Variants in COL4A1 observed in about 807,000 individuals in gnomAD.
COL4A1 encodes collagen type IV alpha 1 chain, also known as collagen alpha-1(IV) chain.
Under a neutral mutation model 216.6 loss-of-function variants are expected in COL4A1, and 40 were observed. That is an observed-to-expected ratio of 0.18 (90% CI 0.14 to 0.24). The LOEUF is 0.24. COL4A1 is among the 10% of genes least tolerant of loss of function. The pLI, the probability that COL4A1 is intolerant of heterozygous loss-of-function variation, is 1.00. For missense variants in COL4A1, 1,628 were observed against 2,196.8 expected, an observed-to-expected ratio of 0.74 and a Z score of 5.18; for synonymous variants, 839 against 810.7, an observed-to-expected ratio of 1.03 and a Z score of -0.59.
At chr13:110,290,393 A>G (rs1884038496) in intron 1 of COL4A1, among the ~76,000 whole-genome samples, 1 of 152,220 alleles carries the variant, frequency 6.6e-6, no homozygotes. Flanking sequence ...TGTCCAAGTC[A>G]TAATTTCTTT....
At chr13:110,181,267 CA>C in intron 29 of COL4A1, 24 bp downstream of exon 29, 1 of 1,606,630 alleles carries the variant, frequency 6.2e-7, no homozygotes, top group Non-Finnish European at 8.5e-7. Flanking sequence ...GGAGAAGGGT[CA>C]TGGAGGGAAT....
chr13:110,210,347 T>C, intron 8 of COL4A1, 135 bp from the exon 9 acceptor site: 2 of 803,238 alleles, frequency 2.5e-6, no homozygotes, highest in South Asian at 1.5e-5. Context: ...CCGTCTACAC[T>C]GGAAATCAAT....
At chr13:110,219,695 T>TATATGTATAG (rs1880300802) in intron 2 of COL4A1, among the ~76,000 whole-genome samples, 1 of 141,386 alleles carries the variant, frequency 7.1e-6, no homozygotes, top group African/African-American at 2.7e-5. Context: ...TATATGTATA[T>TATATGTATAG]ATATGTATAT....
chr13:110,177,713 T>G, intron 33 of COL4A1, 129 bp downstream of exon 33: 1 of 924,794 alleles, frequency 1.1e-6, no homozygotes, highest in Non-Finnish European at 1.7e-6. Flanking sequence ...CCCAGCCTTC[T>G]GCTTGATGTT....
At chr13:110,300,123 T>C (rs531786087) in intron 1 of COL4A1, among the ~76,000 whole-genome samples, 2 of 152,308 alleles carry the variant, frequency 1.3e-5, no homozygotes, top group South Asian at 2.1e-4. Context: ...GATTAGATAT[T>C]AATATTGTTT....
intron 15 of COL4A1, among the ~76,000 whole-genome samples, chr13:110,205,945 T>C (rs185803751): frequency 1.3e-5 from 2 of 152,252 alleles, no homozygotes; most frequent in East Asian, 3.9e-4. Flanking sequence ...TTGTCTCTCC[T>C]ATGAAACACA....
At chr13:110,209,038 G>A (rs1305074418) in intron 11 of COL4A1, 148 bp from the exon 12 acceptor site, 4 of 870,684 alleles carry the variant, frequency 4.6e-6, no homozygotes, top group Admixed American at 1.9e-5. Context: ...GGAAAGTAAC[G>A]ATCATGCTGA....
chr13:110,155,173 T>C (rs1876716259), intron 50 of COL4A1, 110 bp downstream of exon 50: 1 of 815,188 alleles, frequency 1.2e-6, no homozygotes, highest in Non-Finnish European at 2.1e-6. Flanking sequence ...AGGAGGGGCT[T>C]AAGCAGCGAG....
chr13:110,228,237 C>CGGGGGGGGGGGGGGGGGGGGGGGGG (rs59600040), intron 2 of COL4A1, among the ~76,000 whole-genome samples: 4 of 118,980 alleles, frequency 3.4e-5, no homozygotes, highest in Admixed American at 8.0e-5. Flanking sequence ...GGTGCGGGGG[C>CGGGGGGGGGGGGGGGGGGGGGGGGG]GGGGGGGGGG....
chr13:110,252,510 T>TA (rs1882142094), intron 1 of COL4A1, among the ~76,000 whole-genome samples: 2 of 9,470 alleles, frequency 2.1e-4, no homozygotes, highest in African/African-American at 3.8e-4. Flanking sequence ...TATATATGTA[T>TA]TATATATACG....
chr13:110,216,499 A>G (rs1225024250), intron 2 of COL4A1, among the ~76,000 whole-genome samples: 2 of 152,260 alleles, frequency 1.3e-5, no homozygotes, highest in Non-Finnish European at 2.9e-5. Context: ...AGGCAGGTCC[A>G]TGTAGAAGCT....
chr13:110,172,474 T>C (rs1877690759), intron 41 of COL4A1, among the ~76,000 whole-genome samples: 1 of 152,262 alleles, frequency 6.6e-6, no homozygotes. Flanking sequence ...GCTGGATTTT[T>C]ACAAAATTAG....
intron 19 of COL4A1, among the ~76,000 whole-genome samples, chr13:110,201,092 C>T (rs1879170439): frequency 6.6e-6 from 1 of 152,026 alleles, no homozygotes; most frequent in Admixed American, 6.6e-5. Context: ...GCTCCTGAAG[C>T]CTGTTGTGAC....
chr13:110,150,693 T>C (rs540291600), intron 51 of COL4A1, among the ~76,000 whole-genome samples: 3 of 152,298 alleles, frequency 2.0e-5, no homozygotes, highest in South Asian at 2.1e-4. Context: ...CACAGCCCCA[T>C]AGGGCACAGC....
intron 1 of COL4A1, among the ~76,000 whole-genome samples, chr13:110,246,554 C>T (rs1464553275): frequency 6.6e-6 from 1 of 152,204 alleles, no homozygotes; most frequent in African/African-American, 2.4e-5. Flanking sequence ...AGCTATGTCA[C>T]CATTTCATCA....
intron 1 of COL4A1, among the ~76,000 whole-genome samples, chr13:110,270,946 T>A (rs1432931640): frequency 1.3e-5 from 2 of 151,976 alleles, no homozygotes; most frequent in African/African-American, 2.4e-5. Flanking sequence ...AACTTCTGAT[T>A]CCAGGAAAGC....
At chr13:110,246,538 G>A (rs1881820993) in intron 1 of COL4A1, among the ~76,000 whole-genome samples, 1 of 152,214 alleles carries the variant, frequency 6.6e-6, no homozygotes, top group Non-Finnish European at 1.5e-5. Context: ...GACCTGACAT[G>A]TGAAAAGCTA....
intron 2 of COL4A1, among the ~76,000 whole-genome samples, chr13:110,229,056 T>C (rs895864184): frequency 4.6e-5 from 7 of 152,116 alleles, no homozygotes; most frequent in African/African-American, 1.4e-4. Context: ...ACAGGGAGGA[T>C]GAAGGCACAT....
chr13:110,172,917 G>A (rs17517598), intron 40 of COL4A1, 147 bp from the exon 41 acceptor site: 2 of 731,558 alleles, frequency 2.7e-6, no homozygotes, highest in Admixed American at 2.0e-5. Context: ...GTAATAAAAT[G>A]ATATTCCTAC....
Sources: allele counts gnomAD v4.1 joint callset (sites outside exome capture counted in the v4.1 genomes callset), GRCh38; gene constraint gnomAD v4.1.1; transcripts MANE v1.5; gene names NCBI Gene and HGNC (gene_info 2026-07-23, HGNC 2026-07-21).